The following ZNF106 variants were observed in gnomAD, a reference collection of about 807,000 sequenced individuals.
The protein encoded by ZNF106 is zinc finger protein 106.
ZNF106 carries 67 observed loss-of-function variants against 195.1 expected under a neutral mutation model. That is an observed-to-expected ratio of 0.34 (90% confidence interval 0.28 to 0.42). The LOEUF is 0.42. Ranked by LOEUF, ZNF106 falls within the 10% of genes least tolerant of loss-of-function variation. The pLI is 1.00. For missense variants in ZNF106, 2,118 were observed against 2,304.5 expected, an observed-to-expected ratio of 0.92 and a Z score of 1.66; for synonymous variants, 784 against 818.6, an observed-to-expected ratio of 0.96 and a Z score of 0.72.
chr15:42,461,011 A>G (rs541252682), intron 3 of ZNF106, among the ~76,000 whole-genome samples: 20 of 151,454 alleles, frequency 1.3e-4, no homozygotes, highest in African/African-American at 3.7e-4. Flanking sequence ...AGAAACTTCA[A>G]AAAGTGTGTA....
chr15:42,488,843 G>A (rs2057071891), intron 1 of ZNF106, among the ~76,000 whole-genome samples: 1 of 152,156 alleles, frequency 6.6e-6, no homozygotes, highest in Non-Finnish European at 1.5e-5. Flanking sequence ...TTGGGAGGCT[G>A]AGGTGGGTGG....
At chr15:42,476,553 G>A (rs553013872) in intron 1 of ZNF106, among the ~76,000 whole-genome samples, 1 of 152,080 alleles carries the variant, frequency 6.6e-6, no homozygotes, top group East Asian at 1.9e-4. Context: ...CACCAGCCTC[G>A]GCCTCCCAAA....
chr15:42,424,677 G>T, intron 16 of ZNF106, 157 bp downstream of exon 16: 2 of 666,264 alleles, frequency 3.0e-6, no homozygotes, highest in Non-Finnish European at 5.0e-6. Flanking sequence ...ATCGAGTTTT[G>T]CCATGTTGCC....
At chr15:42,458,729 A>C (rs1595478788) in intron 3 of ZNF106, among the ~76,000 whole-genome samples, 1 of 151,784 alleles carries the variant, frequency 6.6e-6, no homozygotes, top group Non-Finnish European at 1.5e-5. Flanking sequence ...AGAAAAAAAA[A>C]AACAACACCT....
At chr15:42,445,365 A>G (rs957496774) in intron 7 of ZNF106, among the ~76,000 whole-genome samples, 1 of 152,232 alleles carries the variant, frequency 6.6e-6, no homozygotes, top group Non-Finnish European at 1.5e-5. Context: ...CTCTAGACCT[A>G]GACTGCTTGC....
Position 42,449,881 on chromosome 15 carries a change from G to C in ZNF106, c.2391C>G (p.Leu797=). The change falls in exon 5 of 22, where the codon CTC becomes CTG. Residue 797 remains leucine (L), a synonymous_variant. Coordinates refer to ENST00000564754, the MANE Select transcript of ZNF106 (RefSeq NM_001366845.3). ...TTAGAATCTGCCGTAGGGTTGGCTT[G>C]AGCCCAGACTCCTTCTCTGTCTCAC... The part of the protein sequence containing the change: ...RKSETEKESG[L]KPTLRQILNA... 6.2e-7 allele frequency: 1 copy of C among 1,614,134 alleles called. No individual in the cohort carries two copies. Among genetic ancestry groups the C allele is most frequent in the Non-Finnish European group, 8.5e-7 (1 of 1,180,020 alleles).
intron 15 of ZNF106, among the ~76,000 whole-genome samples, chr15:42,426,675 A>AT (rs2054870636): frequency 6.8e-6 from 1 of 147,892 alleles, no homozygotes; most frequent in African/African-American, 2.5e-5. Context: ...AAGTGCTGGG[A>AT]TTATAGGCAT....
Position 42,448,575 on chromosome 15 carries a change from C to A in ZNF106, c.2632G>T (p.Ala878Ser). 1 of 1,614,104 alleles carries A rather than the reference C, an allele frequency of 6.2e-7. No homozygotes were observed. The highest frequency in any genetic ancestry group is 8.5e-7 in the Non-Finnish European group (1 of 1,180,026). Residue 878 changes from alanine to serine, a missense_variant, in exon 6 of 22, where the codon GCA (alanine) becomes TCA (serine). Coordinates refer to ENST00000564754, the MANE Select transcript of ZNF106 (RefSeq NM_001366845.3). ...CTCTCAGAAAGGCTTCGCTTTCTTG[C>A]CAAGCCAGGGGACGAGGAAATGGAA... ...GVSISSSPGL[A>S]RKRSLSESSV... is the part of the protein sequence containing the mutation.
At position 42,451,937 on chromosome 15, in the gene ZNF106, T is replaced by A. The variant is rs199891076; in HGVS notation, c.335A>T (p.Asn112Ile). 2 of 1,610,088 alleles carry A rather than the reference T, an allele frequency of 1.2e-6. No individual in the cohort carries two copies. The highest frequency in any genetic ancestry group is 3.4e-5 in the Admixed American group (2 of 59,330). ...KEQSRQDEPSNSNQEINSDDR... is the reference protein window; with the variant it reads ...KEQSRQDEPSISNQEINSDDR... ...ATCAGAGTTTATTTCTTGGTTGCTA[T>A]TGGAAGGTTCATCTTGTCTGGAAGA... Residue 112 changes from asparagine (N) to isoleucine (I), a missense_variant, in exon 5 of 22, where the codon AAT (asparagine) becomes ATT (isoleucine). Coordinates refer to ENST00000564754, the MANE Select transcript of ZNF106 (RefSeq NM_001366845.3).
At chr15:42,472,794 G>A (rs1022110565) in intron 1 of ZNF106, among the ~76,000 whole-genome samples, 7 of 152,050 alleles carry the variant, frequency 4.6e-5, no homozygotes, top group South Asian at 2.1e-4. Flanking sequence ...GGCAGATCAC[G>A]AGGTCAGGAG....
In ZNF106 at chr15:42,466,041, C is replaced by T. The variant is rs1041516603; in HGVS notation, c.116+12G>A. On this transcript the variant is annotated intron_variant, in intron 3 of 21. Transcript: ENST00000564754. ...ACATTCACAAACTTATGGAAGAGAG[C>T]CGTTCCCATACCTGCCCTTGAGGTT... is the stretch of plus-strand genomic sequence containing the variant. The T allele has an allele frequency of 1.3e-5, 20 of 1,531,438 alleles. No homozygotes were observed. Among genetic ancestry groups the T allele is most frequent in the East Asian group, 4.9e-5 (2 of 40,764 alleles). The allele number at this position is 1,531,438 out of a possible 1,614,324, so 94.9% of individuals were successfully genotyped here.
chr15:42,459,797 T>C (rs2056343876), intron 3 of ZNF106, among the ~76,000 whole-genome samples: 1 of 152,050 alleles, frequency 6.6e-6, no homozygotes, highest in Non-Finnish European at 1.5e-5. Context: ...TCCCAGCACT[T>C]TGGGAGGCCG....
intron 1 of ZNF106, among the ~76,000 whole-genome samples, chr15:42,488,440 CA>C (rs2057064032): frequency 6.6e-6 from 1 of 152,138 alleles, no homozygotes; most frequent in Admixed American, 6.6e-5. Flanking sequence ...AAAACATGCA[CA>C]AACATGCACA....
intron 20 of ZNF106, among the ~76,000 whole-genome samples, chr15:42,418,189 A>G (rs1188010985): frequency 6.6e-6 from 1 of 152,218 alleles, no homozygotes; most frequent in Non-Finnish European, 1.5e-5. Flanking sequence ...GCACTAACGT[A>G]GCAATTACAA....
intron 1 of ZNF106, among the ~76,000 whole-genome samples, chr15:42,476,051 C>T (rs567256797): frequency 6.6e-5 from 10 of 152,272 alleles, no homozygotes; most frequent in African/African-American, 2.2e-4. Context: ...TACTCTATAT[C>T]AACCTTTTAA....
intron 4 of ZNF106, among the ~76,000 whole-genome samples, chr15:42,453,596 A>ATT (rs781562351): frequency 1.0e-4 from 14 of 139,796 alleles, no homozygotes; most frequent in Non-Finnish European, 1.4e-4. Flanking sequence ...TGAGGCAAGT[A>ATT]TTTTTTTTTT....
intron 2 of ZNF106, among the ~76,000 whole-genome samples, chr15:42,470,241 C>T (rs1290491893): frequency 6.6e-6 from 1 of 152,046 alleles, no homozygotes; most frequent in African/African-American, 2.4e-5. Flanking sequence ...ACAGCTTTTC[C>T]CCATACTCAA....
At chr15:42,444,661 C>A (rs2055699906) in intron 8 of ZNF106, among the ~76,000 whole-genome samples, 166 bp downstream of exon 8, 1 of 152,204 alleles carries the variant, frequency 6.6e-6, no homozygotes, top group South Asian at 2.1e-4. Flanking sequence ...TTTAGTGCTT[C>A]TTTCTTTGGA....
At chr15:42,418,088 A>T (rs2054521340) in intron 20 of ZNF106, 137 bp from the exon 21 acceptor site, 1 of 971,982 alleles carries the variant, frequency 1.0e-6, no homozygotes, top group Admixed American at 3.6e-5. Context: ...CTTGGCTAGA[A>T]AAGACAACAA....
Sources: allele counts gnomAD v4.1 joint callset (sites outside exome capture counted in the v4.1 genomes callset), GRCh38; gene constraint gnomAD v4.1.1; transcripts MANE v1.5; gene names NCBI Gene and HGNC (gene_info 2026-07-23, HGNC 2026-07-21).